RARS1: variants seen among roughly 807,000 people sequenced by gnomAD.
RARS1 encodes the protein arginyl-tRNA synthetase 1, also known as arginine--tRNA ligase, cytoplasmic.
RARS1 carries 75 observed loss-of-function variants against 78.7 expected under a neutral mutation model. That is an observed-to-expected ratio of 0.95 (90% CI 0.79 to 1.15). The LOEUF is 1.15. RARS1 is among the 50% of genes most tolerant of loss of function. The pLI, the probability that RARS1 is intolerant of heterozygous loss-of-function variation, is 0.00. For missense variants in RARS1, 787 were observed against 787.5 expected (o/e 1.00, Z 0.01); for synonymous variants, 273 against 268.2 (o/e 1.02, Z -0.18).
chr5:168,510,467 G>A, intron 11 of RARS1, 114 bp from the exon 12 acceptor site: 1 of 758,618 alleles, frequency 1.3e-6, no homozygotes, highest in South Asian at 1.6e-5. Flanking sequence ...GTACCTTAGA[G>A]ATTTAAAACA....
intron 1 of RARS1, 59 bp downstream of exon 1, chr5:168,486,602 T>C: frequency 6.5e-7 from 1 of 1,531,664 alleles, no homozygotes; most frequent in Non-Finnish European, 8.8e-7. Flanking sequence ...CTCTGACTCC[T>C]GCCCAAGCGG....
intron 3 of RARS1, 38 bp from the exon 4 acceptor site, chr5:168,493,856 A>G: frequency 6.6e-7 from 1 of 1,525,804 alleles, no homozygotes; most frequent in African/African-American, 1.4e-5. Flanking sequence ...ACTTGCTGAA[A>G]TCTGTTGTGT....
At chr5:168,508,352 G>C (rs1758491910) in intron 11 of RARS1, among the ~76,000 whole-genome samples, 1 of 150,820 alleles carries the variant, frequency 6.6e-6, no homozygotes, top group Non-Finnish European at 1.5e-5. Flanking sequence ...GCCAGGCACA[G>C]TGTCTCACAC....
At position 168,502,388 on chromosome 5, in the gene RARS1, T is replaced by A. The variant is rs1371253684; in HGVS notation, c.1057+283T>A. Among the ~76,000 whole-genome samples the A allele has an allele frequency of 2.0e-3, 284 of 141,116 alleles. 3 individuals are homozygous for A. Among genetic ancestry groups the A allele is most frequent in the East Asian group, 0.019 (85 of 4,526 alleles). The allele number at this position is 141,116 out of a possible 152,430, so 92.6% of individuals were successfully genotyped here. A position where few individuals can be genotyped will look rare whatever the true frequency, so the allele number is the denominator to read the frequency against. On this transcript the variant is annotated intron_variant, in intron 9 of 14. Coordinates refer to ENST00000231572, the MANE Select transcript of RARS1 (RefSeq NM_002887.4). ...TATATATATATATATATATATATTT[T>A]TTTTTTTTAAAACAATCTTGCTATG...
intron 10 of RARS1, 47 bp downstream of exon 10, chr5:168,506,246 A>G: frequency 2.1e-6 from 3 of 1,419,914 alleles, no homozygotes; most frequent in Non-Finnish European, 2.8e-6. Flanking sequence ...GATTAGAGGT[A>G]AGACAGTATG....
At chr5:168,507,141 C>T (rs1319447093) in intron 11 of RARS1, among the ~76,000 whole-genome samples, 1 of 152,188 alleles carries the variant, frequency 6.6e-6, no homozygotes, top group Non-Finnish European at 1.5e-5. Context: ...AGATTTCAGA[C>T]ACTATTCAAC....
intron 12 of RARS1, among the ~76,000 whole-genome samples, chr5:168,513,202 C>T (rs1253422202): frequency 1.5e-4 from 22 of 150,426 alleles, no homozygotes; most frequent in South Asian, 1.0e-3. Context: ...CCCACCATCA[C>T]GCCCTGCTAA....
Position 168,517,925 on chromosome 5 carries a change from T to TA in RARS1, c.1737dup (p.Arg580ThrfsTer4). On this transcript the variant is annotated frameshift_variant, in exon 14 of 15. Transcript: ENST00000231572. LOFTEE classifies it high-confidence loss of function. ...GAATGGAAACTAGGCCGGTGCATTTTACGGTTCCCTGAGATTCTGCAAAAG... is the reference window on the plus strand; with the variant it reads ...GAATGGAAACTAGGCCGGTGCATTTTAACGGTTCCCTGAGATTCTGCAAAAG... 6.2e-7 allele frequency: 1 copy of TA among 1,614,060 alleles called. No homozygotes were observed. The highest frequency in any genetic ancestry group is 8.5e-7 in the Non-Finnish European group (1 of 1,180,024).
intron 12 of RARS1, among the ~76,000 whole-genome samples, chr5:168,514,641 A>C (rs375038254): frequency 2.0e-5 from 3 of 152,218 alleles, no homozygotes; most frequent in African/African-American, 7.2e-5. Flanking sequence ...AATATCTTTC[A>C]TAGCTATATA....
At chr5:168,513,219 GTATTT>G (rs1561827817) in intron 12 of RARS1, among the ~76,000 whole-genome samples, 1 of 122,280 alleles carries the variant, frequency 8.2e-6, no homozygotes, top group Non-Finnish European at 1.8e-5. Flanking sequence ...CTAATTTTTT[GTATTT>G]TTTTTTTTTT....
chr5:168,508,994 GT>G (rs555141768), intron 11 of RARS1, among the ~76,000 whole-genome samples: 7 of 149,604 alleles, frequency 4.7e-5, no homozygotes, highest in Non-Finnish European at 7.4e-5. Flanking sequence ...TTAGGCATCT[GT>G]TTTTTTTTTA....
chr5:168,512,379 C>G (rs1582441065), intron 12 of RARS1, among the ~76,000 whole-genome samples: 1 of 152,046 alleles, frequency 6.6e-6, no homozygotes, highest in Admixed American at 6.6e-5. Flanking sequence ...CTGACTTACG[C>G]TTAACTTTAT....
chr5:168,501,520 C>G (rs543654707), intron 8 of RARS1, among the ~76,000 whole-genome samples: 4 of 152,066 alleles, frequency 2.6e-5, no homozygotes, highest in Admixed American at 1.3e-4. Context: ...ATCAGGAGTT[C>G]GAGACCAGCC....
chr5:168,501,963 A>G (rs1196169669), intron 8 of RARS1, 38 bp from the exon 9 acceptor site: 1 of 1,565,534 alleles, frequency 6.4e-7, no homozygotes. Context: ...AAAAATTCTT[A>G]TGCATTTTAT....
intron 7 of RARS1, among the ~76,000 whole-genome samples, chr5:168,499,197 G>C (rs1374820850): frequency 6.6e-6 from 1 of 151,810 alleles, no homozygotes; most frequent in African/African-American, 2.4e-5. Context: ...TGTAGTTCCA[G>C]CTACTTGGGA....
chr5:168,494,124 C>T, intron 4 of RARS1, 122 bp downstream of exon 4: 2 of 1,248,802 alleles, frequency 1.6e-6, no homozygotes, highest in Non-Finnish European at 2.2e-6. Context: ...ATGGTGAAAG[C>T]ACTGTGGATT....
intron 12 of RARS1, among the ~76,000 whole-genome samples, chr5:168,514,219 T>A (rs1438916380): frequency 6.6e-6 from 1 of 152,204 alleles, no homozygotes; most frequent in Non-Finnish European, 1.5e-5. Flanking sequence ...TTTTACCCTT[T>A]GGGGGCTGCC....
At chr5:168,507,104 T>G (rs1437054057) in intron 11 of RARS1, among the ~76,000 whole-genome samples, 1 of 152,184 alleles carries the variant, frequency 6.6e-6, no homozygotes. Context: ...CAAATCTAAA[T>G]TATAAAATCT....
intron 9 of RARS1, among the ~76,000 whole-genome samples, chr5:168,504,935 A>T (rs186195141): frequency 6.6e-6 from 1 of 152,256 alleles, no homozygotes; most frequent in Non-Finnish European, 1.5e-5. Context: ...CACAGTGAAC[A>T]TGTTCACACC....
Sources: gnomAD v4.1 joint callset for allele counts (sites outside exome capture counted in the v4.1 genomes callset) on GRCh38, gnomAD v4.1.1 for gene constraint, MANE v1.5 for transcripts, NCBI Gene and HGNC (gene_info 2026-07-23, HGNC 2026-07-21) for gene names.